The following OSBPL5 variants were observed in gnomAD, a reference collection of about 807,000 sequenced individuals.
The protein encoded by OSBPL5 is oxysterol binding protein like 5.
A neutral mutation model predicts 111.2 loss-of-function variants in OSBPL5; 71 were observed. The ratio of observed to expected loss-of-function variants is 0.64; its 90% CI spans 0.53 to 0.78. The LOEUF (loss-of-function observed/expected upper bound fraction) is 0.78, where lower values mean the gene tolerates loss of function less well. Among genes scored for constraint, OSBPL5 ranks in the 30% least tolerant of loss-of-function variants. OSBPL5 has a pLI of 0.00. For synonymous variants in OSBPL5, 549 were observed against 513.9 expected, an observed-to-expected ratio of 1.07 and a Z score of -0.93; for missense variants, 1,210 against 1,189.3, an observed-to-expected ratio of 1.02 and a Z score of -0.26.
Position 3,104,669 on chromosome 11 carries a change from A to T in OSBPL5, c.1060-292T>A, listed in dbSNP as rs1410318852. Reference sequence around the variant, plus strand: ...CTGCCCTCCTCAAAGTCCAGGGTGCAGCCTCCCAACACCTGCTGTTGAAAC... The same window carrying T: ...CTGCCCTCCTCAAAGTCCAGGGTGCTGCCTCCCAACACCTGCTGTTGAAAC... On this transcript the variant is annotated intron_variant, in intron 9 of 21. Transcript: ENST00000263650. The surrounding 1 kb of genome is among the most constrained non-coding windows in gnomAD (Gnocchi z 5.0). 6.6e-6 allele frequency among the ~76,000 whole-genome samples: 1 copy of T among 152,162 alleles called. No homozygotes were observed. Among genetic ancestry groups the T allele is most frequent in the East Asian group, 1.9e-4 (1 of 5,186 alleles).
intron 17 of OSBPL5, 140 bp downstream of exon 17, chr11:3,093,387 C>T (rs1857132423): frequency 1.5e-6 from 2 of 1,316,450 alleles, no homozygotes; most frequent in Non-Finnish European, 2.1e-6. Context: ...ACGTGATCTG[C>T]CACCAGGGGT....
intron 1 of OSBPL5, among the ~76,000 whole-genome samples, chr11:3,148,339 C>T (rs1846438788): frequency 6.6e-6 from 1 of 152,262 alleles, no homozygotes; most frequent in Admixed American, 6.5e-5. Context: ...TGTGGGCCCC[C>T]ACCCCTGACC....
In OSBPL5 at chr11:3,130,223, G is replaced by A. The variant is rs1003436978; in HGVS notation, c.-21-1054C>T. ...TCGTGACCTGACAAGGGTTGGCAGAGCATCCCCTCCAGCTTCTCATCTTGT... is the reference window on the plus strand; with the variant it reads ...TCGTGACCTGACAAGGGTTGGCAGAACATCCCCTCCAGCTTCTCATCTTGT... On this transcript the variant is annotated intron_variant, in intron 1 of 21. Transcript: ENST00000263650. This position sits in a 1 kb window ranked among gnomAD's most constrained non-coding sequence, Gnocchi z 4.5. Among the ~76,000 whole-genome samples the A allele has an allele frequency of 6.6e-6, 1 of 152,250 alleles. No individual in the cohort carries two copies. The highest frequency in any genetic ancestry group is 2.4e-5 in the African/African-American group (1 of 41,472).
At chr11:3,164,295 G>C (rs1226790084) in intron 1 of OSBPL5, 2 of 152,342 alleles carry the variant, frequency 1.3e-5, no homozygotes, top group Non-Finnish European at 2.9e-5. Context: ...AAGGATGAGG[G>C]AGGGGCTGGG....
intron 3 of OSBPL5, among the ~76,000 whole-genome samples, chr11:3,124,766 C>T (rs530652414): frequency 5.3e-5 from 8 of 151,986 alleles, no homozygotes; most frequent in Non-Finnish European, 1.2e-4. Flanking sequence ...CCATTCACAC[C>T]GGCAGCTGGG....
Position 3,092,463 on chromosome 11 carries a change from G to A in OSBPL5, c.2228C>T (p.Thr743Ile), listed in dbSNP as rs772814832. 1 of 1,578,362 alleles carries A rather than the reference G, an allele frequency of 6.3e-7. No homozygotes were observed. The highest frequency in any genetic ancestry group is 8.6e-7 in the Non-Finnish European group (1 of 1,162,512). The part of the protein sequence containing the change: ...LQQEAVARQT[T>I]FLGSPGPRHE... Reference sequence around the variant, plus strand: ...CCTGGGCCCTGGGCTGCCCAGGAAGGTGGTCTGGCGGGCCACGGCCTCCTG... The same window carrying A: ...CCTGGGCCCTGGGCTGCCCAGGAAGATGGTCTGGCGGGCCACGGCCTCCTG... Residue 743 changes from threonine (T) to isoleucine (I), a missense_variant, in exon 19 of 22, where the codon ACC becomes ATC. Coordinates refer to ENST00000263650, the MANE Select transcript of OSBPL5 (RefSeq NM_020896.4). The surrounding 1 kb of genome is among the most constrained non-coding windows in gnomAD (Gnocchi z 5.4).
chr11:3,104,371 C>T lies in OSBPL5; in HGVS notation c.1066G>A (p.Glu356Lys), dbSNP rs146107856. Residue 356 changes from glutamate (E) to lysine (K), a missense_variant, in exon 10 of 22, where the codon GAG becomes AAG. Transcript: ENST00000263650. The surrounding 1 kb of genome is among the most constrained non-coding windows in gnomAD (Gnocchi z 5.0). ...QVQEELGELG[E>K]ASQVETVSEE... ...GACACTGTCTCCACCTGGGACGCCTCGCCCAGCTGCAGCAGACAGGCTGCA... is the reference window on the plus strand; with the variant it reads ...GACACTGTCTCCACCTGGGACGCCTTGCCCAGCTGCAGCAGACAGGCTGCA... 6.0e-5 allele frequency: 97 copies of T among 1,609,030 alleles called. No individual in the cohort carries two copies. Among genetic ancestry groups the T allele is most frequent in the Non-Finnish European group, 7.0e-5 (82 of 1,179,612 alleles).
chr11:3,109,153 T>G lies in OSBPL5; in HGVS notation c.692-1208A>C, dbSNP rs1056555103. On this transcript the variant is annotated intron_variant, in intron 7 of 21. Transcript: ENST00000263650. The surrounding 1 kb of genome is among the most constrained non-coding windows in gnomAD (Gnocchi z 7.4). The stretch of plus-strand genomic sequence containing the variant: ...CCCAGGCTGGAGTGCAGTAGGGTGA[T>G]CTCAGCTCGCTGCAACCTCTGACTC... 6.6e-6 allele frequency among the ~76,000 whole-genome samples: 1 copy of G among 151,922 alleles called. No homozygotes were observed. Among genetic ancestry groups the G allele is most frequent in the African/African-American group, 2.4e-5 (1 of 41,338 alleles).
At position 3,092,241 on chromosome 11, in the gene OSBPL5, G is replaced by A. The variant is rs1238513443; in HGVS notation, c.2259+191C>T. 6.6e-6 allele frequency among the ~76,000 whole-genome samples: 1 copy of A among 152,162 alleles called. No individual in the cohort carries two copies. Among genetic ancestry groups the A allele is most frequent in the Admixed American group, 6.5e-5 (1 of 15,280 alleles). The stretch of plus-strand genomic sequence containing the variant: ...CACAAGCCAAGGTGCCCCTAGAACT[G>A]AGCATCCTGCAAATCCCGGTTTCCT... On this transcript the variant is annotated intron_variant, in intron 19 of 21. Transcript: ENST00000263650. The surrounding 1 kb of genome is among the most constrained non-coding windows in gnomAD (Gnocchi z 5.4).
At chr11:3,120,248 C>T (rs1018603339) in intron 6 of OSBPL5, among the ~76,000 whole-genome samples, 173 bp downstream of exon 6, 1 of 152,178 alleles carries the variant, frequency 6.6e-6, no homozygotes, top group Non-Finnish European at 1.5e-5. Flanking sequence ...CATGGAGCAC[C>T]AGTGGCCATA....
In OSBPL5 at chr11:3,121,752, G is replaced by A. The variant is rs1263930968; in HGVS notation, c.402+245C>T. 5.4e-5 allele frequency: 30 copies of A among 550,774 alleles called. No individual in the cohort carries two copies. The highest frequency in any genetic ancestry group is 6.5e-6 in the Non-Finnish European group (2 of 308,160). 34.1% of individuals were successfully genotyped at this position (550,774 alleles called of 1,614,324 possible). A position where few individuals can be genotyped will look rare whatever the true frequency, so the allele number is the denominator to read the frequency against. On this transcript the variant is annotated intron_variant, in intron 5 of 21. Transcript: ENST00000263650. The surrounding 1 kb of genome is among the most constrained non-coding windows in gnomAD (Gnocchi z 4.3). ...AATGGGGTCTTTGCAGACATAATCA[G>A]GTGAAGATGGGGCTACACTGGAGTA... is the stretch of plus-strand genomic sequence containing the variant.
chr11:3,090,244 T>C (rs889499369), intron 20 of OSBPL5, among the ~76,000 whole-genome samples: 1 of 152,224 alleles, frequency 6.6e-6, no homozygotes, highest in Non-Finnish European at 1.5e-5. Context: ...ACACAGCTCC[T>C]GGTGACAGGA....
At position 3,103,918 on chromosome 11, in the gene OSBPL5, C is replaced by CTGCAGCCCCCTTCCAGCCTA. The variant is rs1564831026; in HGVS notation, c.1244+274_1244+275insTAGGCTGGAAGGGGGCTGCA. Among the ~76,000 whole-genome samples the CTGCAGCCCCCTTCCAGCCTA allele has an allele frequency of 2.1e-3, 305 of 143,028 alleles. 44 individuals are homozygous for CTGCAGCCCCCTTCCAGCCTA. Among genetic ancestry groups the CTGCAGCCCCCTTCCAGCCTA allele is most frequent in the Admixed American group, 0.02 (272 of 13,580 alleles). The allele number at this position is 143,028 out of a possible 152,430, so 93.8% of individuals were successfully genotyped here. ...TGCCTCTGCAGCCCCCTTCCTGCCT[C>CTGCAGCCCCCTTCCAGCCTA]TGCAGCCCATCCCATCCAGCTCGAG... On this transcript the variant is annotated intron_variant, in intron 10 of 21. Transcript: ENST00000263650.
chr11:3,110,406 C>T lies in OSBPL5; in HGVS notation c.692-2461G>A, dbSNP rs1302828573. On this transcript the variant is annotated intron_variant, in intron 7 of 21. Transcript: ENST00000263650. This position sits in a 1 kb window ranked among gnomAD's most constrained non-coding sequence, Gnocchi z 5.3. ...ATCATCGCAGTCACAGCTGCCTGAG[C>T]GGCCACTCAGGGAACAGCAACAGCG... is the stretch of plus-strand genomic sequence containing the variant. 2.6e-5 allele frequency among the ~76,000 whole-genome samples: 4 copies of T among 152,186 alleles called. No individual in the cohort carries two copies. Among genetic ancestry groups the T allele is most frequent in the Non-Finnish European group, 5.9e-5 (4 of 68,028 alleles).
At chr11:3,119,408 C>T in intron 7 of OSBPL5, 139 bp downstream of exon 7, 2 of 803,262 alleles carry the variant, frequency 2.5e-6, no homozygotes, top group Non-Finnish European at 3.7e-6. Flanking sequence ...GAGCCGGGCT[C>T]ATCCTGGCCA....
At position 3,107,558 on chromosome 11, in the gene OSBPL5, T is replaced by C. The variant is rs1857749212; in HGVS notation, c.867-103A>G. ...CTGCTCCGCACTTCACATACGTTCC[T>C]GCCTGTCGTCACCTCCACAACCCAC... On this transcript the variant is annotated intron_variant, in intron 8 of 21. Coordinates refer to ENST00000263650, the MANE Select transcript of OSBPL5 (RefSeq NM_020896.4). The surrounding 1 kb of genome is among the most constrained non-coding windows in gnomAD (Gnocchi z 6.1). 1 of 1,425,418 alleles carries C rather than the reference T, an allele frequency of 7.0e-7. No homozygotes were observed. The highest frequency in any genetic ancestry group is 9.7e-7 in the Non-Finnish European group (1 of 1,031,812). 88.3% of individuals were successfully genotyped at this position (1,425,418 alleles called of 1,614,324 possible). A position where few individuals can be genotyped will look rare whatever the true frequency, so the allele number is the denominator to read the frequency against.
chr11:3,103,481 T>G (rs772888655), intron 10 of OSBPL5, among the ~76,000 whole-genome samples, 161 bp from the exon 11 acceptor site: 3 of 152,200 alleles, frequency 2.0e-5, no homozygotes, highest in Admixed American at 6.5e-5. Context: ...GATAATTTTC[T>G]CTGGGGAAGT....
At chr11:3,102,037 C>T in intron 12 of OSBPL5, 146 bp downstream of exon 12, 1 of 754,208 alleles carries the variant, frequency 1.3e-6, no homozygotes, top group Non-Finnish European at 2.2e-6. Flanking sequence ...GGGTCCACAG[C>T]CCTTCCGGTG....
chr11:3,103,980 C>A (rs1857608779), intron 10 of OSBPL5, among the ~76,000 whole-genome samples: 1 of 152,138 alleles, frequency 6.6e-6, no homozygotes, highest in Non-Finnish European at 1.5e-5. Context: ...GTGCTTGGGA[C>A]TGACCCCCCT....
Sources: gnomAD v4.1 joint callset for allele counts (sites outside exome capture counted in the v4.1 genomes callset) on GRCh38, gnomAD v4.1.1 for gene constraint, Gnocchi (gnomAD v3.1) non-coding constraint, MANE v1.5 for transcripts, NCBI Gene and HGNC (gene_info 2026-07-23, HGNC 2026-07-21) for gene names.